Variants in SLC2A12 observed in about 807,000 individuals in gnomAD.
The protein encoded by SLC2A12 is solute carrier family 2 member 12, also known as solute carrier family 2, facilitated glucose transporter member 12.
SLC2A12 carries 23 observed loss-of-function variants against 41.8 expected under a neutral mutation model. The observed-to-expected ratio is 0.55, with a 90% CI of 0.40 to 0.78. The LOEUF (loss-of-function observed/expected upper bound fraction) is 0.78. SLC2A12 is among the 30% of genes least tolerant of loss of function. The probability of loss-of-function intolerance (pLI) is 0.00; values close to 1 mark genes in which losing one functional copy is unlikely to be tolerated. For synonymous variants in SLC2A12, 295 were observed against 285.9 expected, an observed-to-expected ratio of 1.03 and a Z score of -0.32; for missense variants, 654 against 745.6, an observed-to-expected ratio of 0.88 and a Z score of 1.43.
chr6:134,028,466 A>T lies in SLC2A12; in HGVS notation c.1359T>A (p.Pro453=), dbSNP rs757997681. The T allele has an allele frequency of 6.2e-7, 1 of 1,614,220 alleles. No individual in the cohort carries two copies. Among genetic ancestry groups the T allele is most frequent in the East Asian group, 2.2e-5 (1 of 44,892 alleles). Residue 453 remains proline (P), a synonymous_variant, in exon 2 of 5, where the codon CCT becomes CCA. Coordinates refer to ENST00000275230, the MANE Select transcript of SLC2A12 (RefSeq NM_145176.3). ...ATTTCAAAAAAGCTGGGACGTCCCC[A>T]GGGTCTGTGACTATCTGGTATTCAG... ...SHTEYQIVTD[P]GDVPAFLKWL...
chr6:134,049,264 G>C (rs1430737738), intron 1 of SLC2A12, among the ~76,000 whole-genome samples: 1 of 152,212 alleles, frequency 6.6e-6, no homozygotes, highest in Non-Finnish European at 1.5e-5. Flanking sequence ...CAGTGCCAGA[G>C]AGTTCTGCAG....
chr6:134,023,268 C>T (rs148625752), intron 2 of SLC2A12, among the ~76,000 whole-genome samples: 2,369 of 152,088 alleles, frequency 0.016, 25 homozygotes, highest in Middle Eastern at 0.066. Flanking sequence ...AATCTGACAA[C>T]GAGATGATAA....
In SLC2A12 at chr6:133,990,825, G is replaced by A. The variant is rs2200285; in HGVS notation, c.*330C>T. ...CCTCCATACATACATAGCTTAAGGC[G>A]GAGGTTGATGTCTTCACTAGGACAT... On this transcript the variant is annotated 3_prime_UTR_variant, in exon 5 of 5. Transcript: ENST00000275230. 18,347 of 191,340 alleles carry A rather than the reference G, an allele frequency of 0.096. 1,563 individuals are homozygous for A. The highest frequency in any genetic ancestry group is 0.25 in the African/African-American group (10,560 of 42,974). The allele number at this position is 191,340 out of a possible 1,614,324, so 11.9% of individuals were successfully genotyped here.
chr6:134,002,151 G>T, intron 3 of SLC2A12, 22 bp from the exon 4 acceptor site: 1 of 1,588,212 alleles, frequency 6.3e-7, no homozygotes, highest in African/African-American at 1.4e-5. Context: ...AAAAGAAATT[G>T]ATTAGAAATG....
At chr6:134,001,398 G>C (rs565150618) in intron 4 of SLC2A12, among the ~76,000 whole-genome samples, 8 of 152,152 alleles carry the variant, frequency 5.3e-5, no homozygotes, top group African/African-American at 1.9e-4. Flanking sequence ...AAAAAATCAG[G>C]TAAAACAACA....
intron 4 of SLC2A12, among the ~76,000 whole-genome samples, chr6:133,991,836 A>G (rs1046690928): frequency 7.2e-5 from 11 of 152,180 alleles, no homozygotes; most frequent in African/African-American, 2.2e-4. Context: ...AGTGGCCACA[A>G]TATGTAGGTA....
chr6:134,043,019 C>A (rs62425851), intron 1 of SLC2A12, among the ~76,000 whole-genome samples: 1 of 151,836 alleles, frequency 6.6e-6, no homozygotes, highest in Non-Finnish European at 1.5e-5. Context: ...CACACACACA[C>A]CCCAAAAAAG....
At chr6:134,049,332 A>G (rs1456403201) in intron 1 of SLC2A12, among the ~76,000 whole-genome samples, 1 of 152,202 alleles carries the variant, frequency 6.6e-6, no homozygotes, top group African/African-American at 2.4e-5. Context: ...ACCTTTGGAC[A>G]GTTGGGGGTG....
intron 4 of SLC2A12, among the ~76,000 whole-genome samples, chr6:133,993,293 C>T (rs1776647192): frequency 6.6e-6 from 1 of 152,182 alleles, no homozygotes; most frequent in Non-Finnish European, 1.5e-5. Context: ...ACGTATCCAA[C>T]TGCCTACTAC....
rs1776613727 is a variant in SLC2A12, at chr6:133,990,962, T to C, written c.*193A>G. ...GAAAAAGAGATCACTTAGGACCTTG[T>C]ACCTCATCTACCTTTTGAGGTTCCT... On this transcript the variant is annotated 3_prime_UTR_variant, in exon 5 of 5. Coordinates refer to ENST00000275230, the MANE Select transcript of SLC2A12 (RefSeq NM_145176.3). 1 of 593,996 alleles carries C rather than the reference T, an allele frequency of 1.7e-6. No individual in the cohort carries two copies. The highest frequency in any genetic ancestry group is 2.8e-6 in the Non-Finnish European group (1 of 351,558). The allele number at this position is 593,996 out of a possible 1,614,324, so 36.8% of individuals were successfully genotyped here.
At chr6:134,010,394 C>G (rs534484728) in intron 2 of SLC2A12, among the ~76,000 whole-genome samples, 1 of 152,314 alleles carries the variant, frequency 6.6e-6, no homozygotes, top group African/African-American at 2.4e-5. Flanking sequence ...CATCAGGAAT[C>G]CACAGAGCAC....
At chr6:134,045,487 G>A (rs904166660) in intron 1 of SLC2A12, among the ~76,000 whole-genome samples, 4 of 152,168 alleles carry the variant, frequency 2.6e-5, no homozygotes, top group Non-Finnish European at 4.4e-5. Context: ...ATTAGTTACC[G>A]GCTAGACTTT....
At position 133,989,210 on chromosome 6, in the gene SLC2A12, CTG is replaced by C. The variant is rs1461287288; in HGVS notation, c.*1943_*1944del. 1.3e-5 allele frequency: 2 copies of C among 152,020 alleles called. No individual in the cohort carries two copies. The highest frequency in any genetic ancestry group is 6.6e-5 in the Admixed American group (1 of 15,258). 9.4% of individuals were successfully genotyped at this position (152,020 alleles called of 1,614,324 possible). On this transcript the variant is annotated 3_prime_UTR_variant, in exon 5 of 5. Coordinates refer to ENST00000275230, the MANE Select transcript of SLC2A12 (RefSeq NM_145176.3). ...TGTAAATTTTTTTTATAAATAAAAA[CTG>C]TGAATATATATGTACAAGTTGTAAG...
At chr6:134,012,319 C>CA (rs1323212822) in intron 2 of SLC2A12, among the ~76,000 whole-genome samples, 1 of 151,824 alleles carries the variant, frequency 6.6e-6, no homozygotes, top group Non-Finnish European at 1.5e-5. Flanking sequence ...AATGATTTTT[C>CA]AAAAAAATAT....
chr6:134,014,025 T>A (rs1371427317), intron 2 of SLC2A12, among the ~76,000 whole-genome samples: 1 of 152,178 alleles, frequency 6.6e-6, no homozygotes, highest in African/African-American at 2.4e-5. Context: ...TGCTTTGAAT[T>A]ATCATGGAAG....
chr6:134,049,036 T>C (rs1293485425), intron 1 of SLC2A12, among the ~76,000 whole-genome samples: 1 of 152,204 alleles, frequency 6.6e-6, no homozygotes, highest in Non-Finnish European at 1.5e-5. Context: ...AGGAACTTAG[T>C]TACAGTTACA....
At chr6:133,992,249 T>TG (rs1387153965) in intron 4 of SLC2A12, among the ~76,000 whole-genome samples, 1 of 152,192 alleles carries the variant, frequency 6.6e-6, no homozygotes, top group Admixed American at 6.5e-5. Flanking sequence ...ATGGAAGCAT[T>TG]GGCCTTTGCA....
Position 134,028,890 on chromosome 6 carries a change from C to G in SLC2A12, c.935G>C (p.Ser312Thr), listed in dbSNP as rs1298462892. 6.2e-7 allele frequency: 1 copy of G among 1,614,222 alleles called. No homozygotes were observed. The highest frequency in any genetic ancestry group is 8.5e-7 in the Non-Finnish European group (1 of 1,180,046). ...GGAGGCGAGGCTAGCTGCCTCATTG[C>G]TTTGAAATCCAACTGACTTCAAAAC... is the stretch of plus-strand genomic sequence containing the variant. The part of the protein sequence containing the change: ...STVLKSVGFQ[S>T]NEAASLASTG... The change falls in exon 2 of 5, where the codon AGC becomes ACC. Residue 312 changes from serine (S) to threonine (T), a missense_variant. Ser to Thr is a moderately conservative substitution (Grantham distance 58). Transcript: ENST00000275230.
At chr6:133,992,508 T>C (rs146710695) in intron 4 of SLC2A12, among the ~76,000 whole-genome samples, 32 of 152,342 alleles carry the variant, frequency 2.1e-4, no homozygotes, top group Non-Finnish European at 4.0e-4. Flanking sequence ...TTGAGATGTA[T>C]GTTCATAAGG....
Sources: gnomAD v4.1 joint callset for allele counts (sites outside exome capture counted in the v4.1 genomes callset) on GRCh38, gnomAD v4.1.1 for gene constraint, MANE v1.5 for transcripts, NCBI Gene and HGNC (gene_info 2026-07-23, HGNC 2026-07-21) for gene names.